The following AMZ1 variants were observed in gnomAD, a reference collection of about 807,000 sequenced individuals.
AMZ1 encodes the protein archaemetzincin-1.
Under a neutral mutation model 29.9 loss-of-function variants are expected in AMZ1, and 39 were observed. That is an observed-to-expected ratio of 1.30 (90% CI 1.01 to 1.70). AMZ1 has a LOEUF of 1.70. AMZ1 is among the 40% of genes most tolerant of loss of function. The probability of loss-of-function intolerance (pLI) is 0.00; values close to 1 mark genes in which losing one functional copy is unlikely to be tolerated. For missense variants in AMZ1, 1,041 were observed against 680.6 expected (o/e 1.53, Z -5.89); for synonymous variants, 458 against 304.0 (o/e 1.51, Z -5.27).
Position 2,731,611 on chromosome 7 carries a change from A to C in AMZ1, n.550+21795A>C. 5.0e-6 allele frequency: 8 copies of C among 1,613,914 alleles called. No individual in the cohort carries two copies. The highest frequency in any genetic ancestry group is 6.8e-6 in the Non-Finnish European group (8 of 1,179,936). On this transcript the variant is annotated intron_variant and non_coding_transcript_variant, in intron 4 of 4. Transcript: ENST00000489665. The surrounding 1 kb of genome is among the most constrained non-coding windows in gnomAD (Gnocchi z 6.0). ...GGACGTGATCCCGTCGAAGCACTGGAACCACTTCTGGCGCTGGGACCGCTG... is the reference window on the plus strand; with the variant it reads ...GGACGTGATCCCGTCGAAGCACTGGCACCACTTCTGGCGCTGGGACCGCTG...
chr7:2,757,109 C>T (rs1259149584), intron 4 of AMZ1, among the ~76,000 whole-genome samples: 1 of 149,360 alleles, frequency 6.7e-6, no homozygotes, highest in Middle Eastern at 3.6e-3. Flanking sequence ...CCTTGGCAGG[C>T]CCGATCTAAT....
chr7:2,681,876 G>C (rs1465612756), intron 1 of AMZ1, among the ~76,000 whole-genome samples: 1 of 152,132 alleles, frequency 6.6e-6, no homozygotes, highest in Non-Finnish European at 1.5e-5. Context: ...GAAACTCAGA[G>C]AGACAGACAG....
downstream of AMZ1, among the ~76,000 whole-genome samples, chr7:2,721,408 A>G (rs919433020): frequency 1.3e-5 from 2 of 152,182 alleles, no homozygotes; most frequent in African/African-American, 4.8e-5. Context: ...CCACTGCCAC[A>G]CACATTCTTC....
At chr7:2,755,627 A>C (rs1484437246) in intron 4 of AMZ1, among the ~76,000 whole-genome samples, 2 of 152,204 alleles carry the variant, frequency 1.3e-5, no homozygotes, top group African/African-American at 4.8e-5. Flanking sequence ...CTGACTCATT[A>C]GTCTATGACT....
chr7:2,733,384 G>C, intron 4 of AMZ1: 1 of 1,282,174 alleles, frequency 7.8e-7, no homozygotes, highest in African/African-American at 1.7e-5. Context: ...AACGTGGACT[G>C]CTTTGGTCTC....
At chr7:2,695,075 T>TTCTGG (rs1420194096) in intron 1 of AMZ1, among the ~76,000 whole-genome samples, 3 of 152,212 alleles carry the variant, frequency 2.0e-5, no homozygotes, top group African/African-American at 7.2e-5. Context: ...TCTCAGCTGC[T>TTCTGG]TCTGGCTGAC....
Position 2,700,336 on chromosome 7 carries a change from G to A in AMZ1, c.-116G>A, listed in dbSNP as rs969965925. On this transcript the variant is annotated 5_prime_UTR_variant, in exon 2 of 7. Transcript: ENST00000683327. ...CAGTGTCTGTCTGCAGGGAGCCCCC[G>A]GTAGCCACTCGGATCAGCCCGAGGG... The A allele has an allele frequency of 1.7e-5, 21 of 1,249,502 alleles. No homozygotes were observed. Among genetic ancestry groups the A allele is most frequent in the Non-Finnish European group, 2.3e-5 (21 of 917,226 alleles). The allele number at this position is 1,249,502 out of a possible 1,614,324, so 77.4% of individuals were successfully genotyped here.
intron 3 of AMZ1, among the ~76,000 whole-genome samples, chr7:2,707,818 CTTTTTTTTTTTTT>C (rs60848680): frequency 1.0e-5 from 1 of 95,340 alleles, no homozygotes; most frequent in African/African-American, 4.5e-5. Flanking sequence ...CTAACGAGGG[CTTTTTTTTTTTTT>C]TTTTTTTTTT....
chr7:2,763,445 G>A (rs1223393150), upstream of AMZ1: 1 of 152,342 alleles, frequency 6.6e-6, no homozygotes, highest in Non-Finnish European at 1.5e-5. Context: ...TGGAGCAAAG[G>A]TTTTGTCTGG....
rs568120721 is a variant in AMZ1, at chr7:2,719,550, T to C, written c.*6672T>C. Among the ~76,000 whole-genome samples the C allele has an allele frequency of 6.6e-6, 1 of 152,356 alleles. No homozygotes were observed. The highest frequency in any genetic ancestry group is 1.5e-5 in the Non-Finnish European group (1 of 68,022). ...TTTAAAAATCCAGTCCAAGTGGAAATACACCTGGAACATTTTATACTGCAA... is the reference window on the plus strand; with the variant it reads ...TTTAAAAATCCAGTCCAAGTGGAAACACACCTGGAACATTTTATACTGCAA... On this transcript the variant is annotated 3_prime_UTR_variant, in exon 7 of 7. Coordinates refer to ENST00000683327, the MANE Select transcript of AMZ1 (RefSeq NM_001384743.1).
At chr7:2,692,495 T>G (rs1436925290) in intron 1 of AMZ1, among the ~76,000 whole-genome samples, 1 of 152,134 alleles carries the variant, frequency 6.6e-6, no homozygotes, top group African/African-American at 2.4e-5. Context: ...TGAGCCGAGA[T>G]TGTGCCACTG....
At position 2,696,473 on chromosome 7, in the gene AMZ1, G is replaced by A. The variant is rs373052398; in HGVS notation, c.-218-3761G>A. Among the ~76,000 whole-genome samples the A allele has an allele frequency of 2.6e-3, 394 of 150,138 alleles. 2 individuals carry two copies. The highest frequency in any genetic ancestry group is 4.0e-3 in the Admixed American group (60 of 15,066). On this transcript the variant is annotated intron_variant, in intron 1 of 6. Transcript: ENST00000683327. Reference sequence around the variant, plus strand: ...GGGGTTTCACCATGTTAGCCAGGATGGTCTCGATCTCCTGACCTCGTGATC... The same window carrying A: ...GGGGTTTCACCATGTTAGCCAGGATAGTCTCGATCTCCTGACCTCGTGATC...
intron 4 of AMZ1, among the ~76,000 whole-genome samples, chr7:2,733,293 AGT>A (rs1789992472): frequency 1.3e-5 from 2 of 152,132 alleles, no homozygotes; most frequent in African/African-American, 2.4e-5. Context: ...CCCAGATCCA[AGT>A]GAGAGCGTGC....
At chr7:2,741,778 G>A (rs1790518752) in intron 4 of AMZ1, among the ~76,000 whole-genome samples, 1 of 151,410 alleles carries the variant, frequency 6.6e-6, no homozygotes, top group Admixed American at 6.6e-5. Flanking sequence ...TAAGAATGAG[G>A]ACACCTGCTT....
chr7:2,710,390 TC>T (rs1788695073), intron 6 of AMZ1, among the ~76,000 whole-genome samples: 1 of 152,260 alleles, frequency 6.6e-6, no homozygotes, highest in Non-Finnish European at 1.5e-5. Flanking sequence ...TGGTAATTTT[TC>T]TTCAAACCCA....
rs1200985082 is a variant in AMZ1, at chr7:2,718,763, A to C, written c.*5885A>C. Among the ~76,000 whole-genome samples, 2 of 152,200 alleles carry C rather than the reference A, an allele frequency of 1.3e-5. No individual in the cohort carries two copies. Among genetic ancestry groups the C allele is most frequent in the Non-Finnish European group, 2.9e-5 (2 of 68,026 alleles). ...GTCTTGTGGTCAGGGAGAAGCGGGC[A>C]GGCCAGGGCCGAGCTGCGTCCGGCT... is the stretch of plus-strand genomic sequence containing the variant. On this transcript the variant is annotated 3_prime_UTR_variant, in exon 7 of 7. Transcript: ENST00000683327.
At chr7:2,723,881 G>A (rs749044028), downstream of AMZ1, among the ~76,000 whole-genome samples, 4 of 152,164 alleles carry the variant, frequency 2.6e-5, no homozygotes, top group Admixed American at 6.6e-5. Context: ...CTGTCTCTGC[G>A]GCGATAAACT....
rs754341337 is a variant in AMZ1 at position 2,709,180 on chromosome 7, C to T, written c.707C>T (p.Ala236Val). The T allele has an allele frequency of 3.2e-6, 5 of 1,543,384 alleles. No individual in the cohort carries two copies. Among genetic ancestry groups the T allele is most frequent in the South Asian group, 1.2e-5 (1 of 80,308 alleles). The change falls in exon 5 of 7, where the codon GCC becomes GTC. Residue 236 changes from alanine (A) to valine (V), a missense_variant. Physicochemically the swap from Ala to Val is moderately conservative, Grantham distance 64. Coordinates refer to ENST00000683327, the MANE Select transcript of AMZ1 (RefSeq NM_001384743.1). Reference sequence around the variant, plus strand: ...GAGGCAGCAGCAGACGGCCCCGAGGCCCCCCTGCAGGACAGGGGCTGGGCC... The same window carrying T: ...GAGGCAGCAGCAGACGGCCCCGAGGTCCCCCTGCAGGACAGGGGCTGGGCC... ...LVEAAADGPE[A>V]PLQDRGWALC...
upstream of AMZ1, chr7:2,762,605 A>G (rs1791614278): frequency 6.5e-7 from 1 of 1,528,970 alleles, no homozygotes; most frequent in Non-Finnish European, 8.8e-7. Flanking sequence ...AAAAAGGACA[A>G]TCCCCTTCCG....
Sources: allele counts gnomAD v4.1 joint callset (sites outside exome capture counted in the v4.1 genomes callset), GRCh38; gene constraint gnomAD v4.1.1; non-coding constraint Gnocchi (gnomAD v3.1); transcripts MANE v1.5; gene names NCBI Gene and HGNC (gene_info 2026-07-23, HGNC 2026-07-21).